The following GEMIN5 variants were observed in gnomAD, a reference collection of about 807,000 sequenced individuals.
GEMIN5 encodes the protein gem-associated protein 5.
GEMIN5 carries 124 observed loss-of-function variants against 176.9 expected under a neutral mutation model. The observed-to-expected ratio is 0.70, with a 90% CI of 0.61 to 0.81. The LOEUF (loss-of-function observed/expected upper bound fraction) is 0.81, where lower values mean the gene tolerates loss of function less well. Among genes scored for constraint, GEMIN5 ranks in the 40% least tolerant of loss-of-function variants. The pLI, the probability that GEMIN5 is intolerant of heterozygous loss-of-function variation, is 0.00. For synonymous variants in GEMIN5, 673 were observed against 665.2 expected (o/e 1.01, Z -0.18); for missense variants, 1,843 against 1,814.6 (o/e 1.02, Z -0.28).
chr5:154,920,097 T>C lies in GEMIN5; in HGVS notation c.1469A>G (p.Glu490Gly), dbSNP rs773126277. The C allele has an allele frequency of 1.2e-6, 2 of 1,608,300 alleles. No homozygotes were observed. Among genetic ancestry groups the C allele is most frequent in the African/African-American group, 1.3e-5 (1 of 74,610 alleles). ...PPVPPMSLGG[E>G]GDRPSLALYS... ...TAAAGCAAGGGAAGGTCTGTCTCCTTCTCCTCCTGTATGAAATAAGAAAAG... is the reference window on the plus strand; with the variant it reads ...TAAAGCAAGGGAAGGTCTGTCTCCTCCTCCTCCTGTATGAAATAAGAAAAG... The change falls in exon 11 of 28, where the codon GAA becomes GGA. Residue 490 changes from glutamate to glycine, a missense_variant. Transcript: ENST00000285873.
chr5:154,902,737 G>A, intron 19 of GEMIN5, 61 bp from the exon 20 acceptor site: 8 of 1,528,430 alleles, frequency 5.2e-6, no homozygotes, highest in Non-Finnish European at 7.2e-6. Flanking sequence ...CTGACTTGTA[G>A]GAAAAGAAAG....
intron 9 of GEMIN5, among the ~76,000 whole-genome samples, chr5:154,922,329 G>A (rs375571796): frequency 4.7e-4 from 71 of 152,096 alleles, no homozygotes; most frequent in African/African-American, 1.6e-3. Context: ...CACCAAGCCC[G>A]GCTAATTTTT....
intron 16 of GEMIN5, among the ~76,000 whole-genome samples, chr5:154,906,797 C>T (rs1307332148): frequency 6.6e-6 from 1 of 152,206 alleles, no homozygotes; most frequent in African/African-American, 2.4e-5. Context: ...GGATGGAGAG[C>T]ATCAGGAATG....
Position 154,888,272 on chromosome 5 carries a change from G to T in GEMIN5, c.4465C>A (p.Leu1489Ile), listed in dbSNP as rs1561705403. 19 of 1,614,104 alleles carry T rather than the reference G, an allele frequency of 1.2e-5. No homozygotes were observed. Among genetic ancestry groups the T allele is most frequent in the Non-Finnish European group, 1.6e-5 (19 of 1,180,044 alleles). Reference protein sequence around the residue: ...AQEMQQQAQELLQKYGNTKTY... With the variant: ...AQEMQQQAQEILQKYGNTKTY... ...TTCGTGTTGCCGTATTTCTGAAGGA[G>T]CTCTTGGGCCTGCTGCTGCATTTCC... Residue 1489 changes from leucine to isoleucine, a missense_variant, in exon 28 of 28, where the codon CTC becomes ATC. Physicochemically the swap from Leu to Ile is conservative, Grantham distance 5 (BLOSUM62 2). Coordinates refer to ENST00000285873, the MANE Select transcript of GEMIN5 (RefSeq NM_015465.5).
At chr5:154,889,097 TG>T (rs1763168498) in intron 27 of GEMIN5, among the ~76,000 whole-genome samples, 1 of 152,128 alleles carries the variant, frequency 6.6e-6, no homozygotes. Flanking sequence ...AGGATGGTCT[TG>T]ATCTCCTGAC....
intron 21 of GEMIN5, among the ~76,000 whole-genome samples, chr5:154,900,177 A>G (rs1415491633): frequency 6.6e-6 from 1 of 152,232 alleles, no homozygotes; most frequent in South Asian, 2.1e-4. Flanking sequence ...GGTGATAGTA[A>G]GGAATGTGGT....
intron 3 of GEMIN5, among the ~76,000 whole-genome samples, chr5:154,935,017 C>T (rs1023521634): frequency 1.3e-5 from 2 of 152,200 alleles, no homozygotes; most frequent in Non-Finnish European, 2.9e-5. Flanking sequence ...TTCTTCTTGT[C>T]ATCTGAATCC....
At chr5:154,924,329 T>C in intron 9 of GEMIN5, 140 bp downstream of exon 9, 1 of 645,654 alleles carries the variant, frequency 1.5e-6, no homozygotes, top group Middle Eastern at 2.8e-4. Context: ...TGTGGAAGAG[T>C]CTACCAAACA....
intron 5 of GEMIN5, among the ~76,000 whole-genome samples, chr5:154,930,120 T>C (rs191885718): frequency 7.2e-5 from 11 of 152,378 alleles, no homozygotes; most frequent in Admixed American, 3.9e-4. Context: ...TGACTCATTC[T>C]GATTTCCTGC....
intron 15 of GEMIN5, among the ~76,000 whole-genome samples, chr5:154,910,516 C>G (rs1763679369): frequency 6.6e-6 from 1 of 152,104 alleles, no homozygotes; most frequent in Non-Finnish European, 1.5e-5. Context: ...TGTTGCCAGG[C>G]TGGTCTCAAA....
intron 9 of GEMIN5, among the ~76,000 whole-genome samples, chr5:154,922,522 G>C (rs931376260): frequency 3.3e-4 from 50 of 152,106 alleles, no homozygotes; most frequent in Non-Finnish European, 6.5e-4. Context: ...ATAGCTCTAG[G>C]GCAATACCCA....
At chr5:154,900,665 T>C (rs1763443114) in intron 21 of GEMIN5, among the ~76,000 whole-genome samples, 2 of 152,216 alleles carry the variant, frequency 1.3e-5, no homozygotes, top group Admixed American at 6.5e-5. Context: ...AGGAGGAAGC[T>C]GTCCAGAGAA....
chr5:154,895,867 C>A (rs1216662701), intron 24 of GEMIN5, among the ~76,000 whole-genome samples: 1 of 151,864 alleles, frequency 6.6e-6, no homozygotes, highest in Non-Finnish European at 1.5e-5. Context: ...CAGCTTCAAA[C>A]AACTAAAAAA....
At chr5:154,923,922 A>C (rs1298210145) in intron 9 of GEMIN5, among the ~76,000 whole-genome samples, 2 of 152,216 alleles carry the variant, frequency 1.3e-5, no homozygotes, top group African/African-American at 4.8e-5. Context: ...GTACAAAAAT[A>C]AACAATGTAA....
At chr5:154,907,220 G>GT (rs1277241101) in intron 16 of GEMIN5, among the ~76,000 whole-genome samples, 1 of 152,272 alleles carries the variant, frequency 6.6e-6, no homozygotes, top group African/African-American at 2.4e-5. Flanking sequence ...TCAGACATTT[G>GT]TAAGGGACAG....
intron 4 of GEMIN5, 30 bp downstream of exon 4, chr5:154,932,069 G>A (rs1472781155): frequency 1.3e-6 from 2 of 1,535,224 alleles, no homozygotes; most frequent in South Asian, 1.2e-5. Context: ...GGTCTCAAGT[G>A]GACTTAACTT....
chr5:154,922,220 T>G (rs13156153), intron 9 of GEMIN5, among the ~76,000 whole-genome samples: 16,757 of 152,204 alleles, frequency 0.11, 1,720 homozygotes, highest in East Asian at 0.55. Flanking sequence ...CAGGCTGGAG[T>G]GCAGTGGTGC....
chr5:154,934,662 C>G (rs964361656), intron 3 of GEMIN5, among the ~76,000 whole-genome samples: 1 of 152,138 alleles, frequency 6.6e-6, no homozygotes, highest in Non-Finnish European at 1.5e-5. Flanking sequence ...TTCTCCCTCT[C>G]CCTCAAGAGT....
intron 3 of GEMIN5, among the ~76,000 whole-genome samples, chr5:154,934,037 A>C (rs1561731478): frequency 6.6e-6 from 1 of 151,644 alleles, no homozygotes; most frequent in Admixed American, 6.6e-5. Flanking sequence ...TTTTTTTGAG[A>C]TAGAGTCTTG....
Sources: gnomAD v4.1 joint callset for allele counts (sites outside exome capture counted in the v4.1 genomes callset) on GRCh38, gnomAD v4.1.1 for gene constraint, MANE v1.5 for transcripts, NCBI Gene and HGNC (gene_info 2026-07-23, HGNC 2026-07-21) for gene names.